Variants in GRB10 observed in about 807,000 individuals in gnomAD.
GRB10 encodes growth factor receptor bound protein 10.
GRB10 carries 20 observed loss-of-function variants against 80.9 expected under a neutral mutation model. The ratio of observed to expected loss-of-function variants is 0.25; its 90% CI spans 0.17 to 0.36. GRB10 has a LOEUF of 0.36. GRB10 is among the 10% of genes least tolerant of loss of function. The pLI is 1.00. For synonymous variants in GRB10, 291 were observed against 291.5 expected, an observed-to-expected ratio of 1.00 and a Z score of 0.02; for missense variants, 548 against 747.7, an observed-to-expected ratio of 0.73 and a Z score of 3.12.
chr7:50,670,759 T>A (rs887907274), intron 6 of GRB10, among the ~76,000 whole-genome samples: 3 of 152,246 alleles, frequency 2.0e-5, no homozygotes, highest in Non-Finnish European at 4.4e-5. Flanking sequence ...AGGCTGTGTG[T>A]TCTCATCTGA....
At position 50,755,886 on chromosome 7, in the gene GRB10, C is replaced by T. The variant is rs1020117091; in HGVS notation, c.-47+1G>A. 5.0e-6 allele frequency: 2 copies of T among 398,630 alleles called. No homozygotes were observed. The highest frequency in any genetic ancestry group is 8.8e-6 in the Non-Finnish European group (2 of 226,182). The allele number at this position is 398,630 out of a possible 1,614,324, so 24.7% of individuals were successfully genotyped here. On this transcript the variant is annotated splice_donor_variant, in intron 3 of 18. Transcript: ENST00000401949. LOFTEE classifies it low-confidence loss of function (5UTR_SPLICE). ...TGACTAGTGTCATGCATAGGGCTTA[C>T]CTGTCAGGAGTTGGCTCTGTAGCAC...
chr7:50,774,050 T>C (rs1487190279), intron 2 of GRB10, among the ~76,000 whole-genome samples: 6 of 152,228 alleles, frequency 3.9e-5, no homozygotes, highest in Non-Finnish European at 8.8e-5. Context: ...TACTAATGCA[T>C]GCTACAACAT....
chr7:50,765,954 C>G (rs2076301453), intron 2 of GRB10, among the ~76,000 whole-genome samples: 1 of 152,100 alleles, frequency 6.6e-6, no homozygotes, highest in Non-Finnish European at 1.5e-5. Context: ...CTATGTTTAT[C>G]TATTATGCAT....
rs76621465 is a variant in GRB10, at chr7:50,779,098, T to C, written c.-217+1529A>G. On this transcript the variant is annotated intron_variant, in intron 2 of 18. Transcript: ENST00000401949. The stretch of plus-strand genomic sequence containing the variant: ...AGAAAATTCTTGGTACAAAAATTCT[T>C]AGATTAAGTAATAGCATTATTAATA... 7 of 152,316 alleles carry C rather than the reference T, an allele frequency of 4.6e-5. No individual in the cohort carries two copies. In the East Asian group the frequency reaches 7.7e-4, roughly 17 times the overall value. 9.4% of individuals were successfully genotyped at this position (152,316 alleles called of 1,614,324 possible).
At chr7:50,637,544 T>C (rs998505735) in intron 7 of GRB10, among the ~76,000 whole-genome samples, 1 of 152,106 alleles carries the variant, frequency 6.6e-6, no homozygotes, top group African/African-American at 2.4e-5. Context: ...AAAGGAATCA[T>C]AGATGGCACA....
intron 5 of GRB10, among the ~76,000 whole-genome samples, chr7:50,690,720 G>A (rs1039374657): frequency 2.6e-5 from 4 of 152,208 alleles, no homozygotes; most frequent in Non-Finnish European, 4.4e-5. Flanking sequence ...GCGGAGCAAC[G>A]GGATGAAAAG....
At chr7:50,745,238 TTAAA>T (rs2072692748) in intron 3 of GRB10, among the ~76,000 whole-genome samples, 1 of 152,242 alleles carries the variant, frequency 6.6e-6, no homozygotes, top group South Asian at 2.1e-4. Context: ...TGCGTATTAC[TTAAA>T]TATAGATTTA....
At chr7:50,756,226 T>C (rs1264933236) in intron 2 of GRB10, among the ~76,000 whole-genome samples, 170 bp from the exon 3 acceptor site, 1 of 152,190 alleles carries the variant, frequency 6.6e-6, no homozygotes, top group African/African-American at 2.4e-5. Context: ...CTAAGTAAGA[T>C]GTAGGTTTCT....
chr7:50,767,634 G>A (rs1006874815), intron 2 of GRB10, among the ~76,000 whole-genome samples: 3 of 152,150 alleles, frequency 2.0e-5, no homozygotes, highest in African/African-American at 7.2e-5. Flanking sequence ...AAGAGTCCCT[G>A]CGGCTCCTGG....
intron 2 of GRB10, among the ~76,000 whole-genome samples, chr7:50,772,442 A>G (rs1156797972): frequency 6.6e-6 from 1 of 152,198 alleles, no homozygotes; most frequent in African/African-American, 2.4e-5. Flanking sequence ...AATATCTGTT[A>G]ATGTCTGTTA....
At chr7:50,758,073 A>G (rs1047376161) in intron 2 of GRB10, among the ~76,000 whole-genome samples, 8 of 152,212 alleles carry the variant, frequency 5.3e-5, no homozygotes, top group Non-Finnish European at 8.8e-5. Flanking sequence ...CAAAGACAAC[A>G]TGCTCTTTGA....
chr7:50,773,379 T>A (rs1206223713), intron 2 of GRB10, among the ~76,000 whole-genome samples: 1 of 56,256 alleles, frequency 1.8e-5, no homozygotes, highest in Non-Finnish European at 4.1e-5. Context: ...GGAAGCGGAA[T>A]GGGAAGGGAA....
At chr7:50,771,311 G>A (rs2076955307) in intron 2 of GRB10, among the ~76,000 whole-genome samples, 1 of 152,190 alleles carries the variant, frequency 6.6e-6, no homozygotes, top group Non-Finnish European at 1.5e-5. Context: ...CCAGTTTGAA[G>A]TAGGGGGTCC....
chr7:50,711,624 C>T (rs2065915422), intron 4 of GRB10, among the ~76,000 whole-genome samples: 1 of 152,204 alleles, frequency 6.6e-6, no homozygotes, highest in Admixed American at 6.5e-5. Context: ...GCGGAGGCAT[C>T]ACCCAGCTCA....
At chr7:50,595,037 A>G (rs4947705) in intron 18 of GRB10, among the ~76,000 whole-genome samples, 151,441 of 152,240 alleles carry the variant, frequency 0.99, 75,327 homozygotes, top group Middle Eastern at 1. Flanking sequence ...ACGTGCTCAC[A>G]GCTGCTGCGA....
intron 17 of GRB10, among the ~76,000 whole-genome samples, chr7:50,600,025 C>A (rs1340069346): frequency 6.6e-6 from 1 of 152,190 alleles, no homozygotes; most frequent in Admixed American, 6.5e-5. Context: ...TTAGTGGCCA[C>A]AGCACCAAAT....
intron 2 of GRB10, among the ~76,000 whole-genome samples, chr7:50,772,969 G>A (rs902198091): frequency 6.6e-6 from 1 of 152,162 alleles, no homozygotes; most frequent in African/African-American, 2.4e-5. Context: ...CCGTTTTCAT[G>A]CTGCTGATAA....
intron 7 of GRB10, among the ~76,000 whole-genome samples, chr7:50,666,474 T>C (rs2059814100): frequency 6.6e-6 from 1 of 152,096 alleles, no homozygotes; most frequent in Non-Finnish European, 1.5e-5. Context: ...GCCCGTAGCC[T>C]TTACAGGGCA....
chr7:50,732,343 A>C lies in GRB10; in HGVS notation c.-21T>G, dbSNP rs777378516. On this transcript the variant is annotated 5_prime_UTR_variant, in exon 4 of 19. Transcript: ENST00000401949. The stretch of plus-strand genomic sequence containing the variant: ...GCCATGGGTTCCTTCTGCCTTCTTC[A>C]AATTACATTTACTGCGCTGCAGCAC... 3 of 1,612,188 alleles carry C rather than the reference A, an allele frequency of 1.9e-6. No homozygotes were observed. Among genetic ancestry groups the C allele is most frequent in the Non-Finnish European group, 2.5e-6 (3 of 1,178,208 alleles).
Sources: allele counts gnomAD v4.1 joint callset (sites outside exome capture counted in the v4.1 genomes callset), GRCh38; gene constraint gnomAD v4.1.1; transcripts MANE v1.5; gene names NCBI Gene and HGNC (gene_info 2026-07-23, HGNC 2026-07-21).